Variants in ZMYND11 observed in about 807,000 individuals in gnomAD.
The protein encoded by ZMYND11 is zinc finger MYND domain-containing protein 11.
In ZMYND11, 9 loss-of-function variants were observed where a neutral mutation model predicts 84.9. That is an observed-to-expected ratio of 0.11 (90% CI 0.06 to 0.18). The LOEUF (loss-of-function observed/expected upper bound fraction) is 0.18. ZMYND11 is among the 10% of genes least tolerant of loss of function. The pLI is 1.00. For synonymous variants in ZMYND11, 250 were observed against 244.1 expected, an observed-to-expected ratio of 1.02 and a Z score of -0.23; for missense variants, 409 against 761.0, an observed-to-expected ratio of 0.54 and a Z score of 5.44.
chr10:243,245 G>C (rs1248931187), intron 10 of ZMYND11, among the ~76,000 whole-genome samples: 3 of 152,108 alleles, frequency 2.0e-5, no homozygotes, highest in African/African-American at 7.2e-5. Context: ...AGAGACCTGA[G>C]CATAGTACCT....
chr10:136,228 C>G (rs1428632222), intron 1 of ZMYND11, among the ~76,000 whole-genome samples: 1 of 152,152 alleles, frequency 6.6e-6, no homozygotes, highest in Non-Finnish European at 1.5e-5. Context: ...GCTGAGGACG[C>G]GGCTGGGACG....
chr10:174,753 C>G (rs1173663094), intron 1 of ZMYND11, among the ~76,000 whole-genome samples: 1 of 151,762 alleles, frequency 6.6e-6, no homozygotes, highest in Non-Finnish European at 1.5e-5. Flanking sequence ...GGTCAAAACC[C>G]AAGGGCACTA....
At position 185,837 on chromosome 10, in the gene ZMYND11, C is replaced by CA. The variant is rs1190356934; in HGVS notation, c.116+5718dup. ...TCAAAAAAACAAAAAAACAAAAAAA[C>CA]AAAAAAAAAGACGGTTGCTAAAGGC... is the stretch of plus-strand genomic sequence containing the variant. On this transcript the variant is annotated intron_variant, in intron 2 of 14. Transcript: ENST00000381604. 5.0e-4 allele frequency among the ~76,000 whole-genome samples: 68 copies of CA among 135,228 alleles called. 1 individual carries two copies. The highest frequency in any genetic ancestry group is 1.5e-3 in the African/African-American group (57 of 37,674). The allele number at this position is 135,228 out of a possible 152,430, so 88.7% of individuals were successfully genotyped here.
chr10:168,415 C>G (rs562664532), intron 1 of ZMYND11, among the ~76,000 whole-genome samples: 1 of 152,110 alleles, frequency 6.6e-6, no homozygotes, highest in East Asian at 1.9e-4. Context: ...GAATGGAGTC[C>G]AGCCTGGGCA....
chr10:239,581 T>G, intron 7 of ZMYND11, 56 bp downstream of exon 7: 2 of 1,149,450 alleles, frequency 1.7e-6, no homozygotes, highest in Non-Finnish European at 2.6e-6. Context: ...TTACATTCCA[T>G]GTTGAACACT....
intron 3 of ZMYND11, among the ~76,000 whole-genome samples, chr10:217,002 C>T (rs984159767): frequency 6.6e-6 from 1 of 152,128 alleles, no homozygotes; most frequent in Non-Finnish European, 1.5e-5. Context: ...ATTGCATCTA[C>T]ATTAAAATGC....
rs1302482936 is a variant in ZMYND11 at position 253,246 on chromosome 10, AAAAC to A, written c.*780_*783del. ...AGTGCTTGTAACAAAATAAACAACA[AAAAC>A]AAAGCCAAAAACTACCTTTATCCAT... On this transcript the variant is annotated 3_prime_UTR_variant, in exon 15 of 15. Coordinates refer to ENST00000381604, the MANE Select transcript of ZMYND11 (RefSeq NM_001370100.5). The A allele has an allele frequency of 1.3e-5, 2 of 152,648 alleles. No individual in the cohort carries two copies. The highest frequency in any genetic ancestry group is 2.4e-5 in the African/African-American group (1 of 41,476). The allele number at this position is 152,648 out of a possible 1,614,324, so 9.5% of individuals were successfully genotyped here.
chr10:175,597 TA>T (rs1334928536), intron 1 of ZMYND11, among the ~76,000 whole-genome samples: 3 of 152,022 alleles, frequency 2.0e-5, no homozygotes, highest in Non-Finnish European at 4.4e-5. Flanking sequence ...AATAAAAAAC[TA>T]CAAAATATAA....
At chr10:226,901 G>A (rs1948234926) in intron 4 of ZMYND11, among the ~76,000 whole-genome samples, 2 of 152,220 alleles carry the variant, frequency 1.3e-5, no homozygotes, top group Non-Finnish European at 2.9e-5. Flanking sequence ...ATAAGTCAAG[G>A]TAATACAGAG....
In ZMYND11 at chr10:247,069, G is replaced by A. The variant is rs114467020; in HGVS notation, c.1158+96G>A. On this transcript the variant is annotated intron_variant, in intron 11 of 14. Transcript: ENST00000381604. ...CTCACTGTAATGAACAGATTTTGAC[G>A]TTCTCCTTCCCTTTTTTACATTTGT... 2,168 of 1,265,930 alleles carry A rather than the reference G, an allele frequency of 1.7e-3. 25 individuals carry two copies. In the African/African-American group the frequency reaches 0.029, roughly 17 times the overall value. The allele number at this position is 1,265,930 out of a possible 1,614,324, so 78.4% of individuals were successfully genotyped here.
intron 3 of ZMYND11, among the ~76,000 whole-genome samples, chr10:217,757 T>C (rs942208351): frequency 1.3e-5 from 2 of 152,152 alleles, no homozygotes; most frequent in African/African-American, 4.8e-5. Flanking sequence ...AAAAACCGTG[T>C]AGACTGCGTA....
chr10:179,991 C>T lies in ZMYND11; in HGVS notation c.-19-3C>T. On this transcript the variant is annotated splice_polypyrimidine_tract_variant and splice_region_variant and intron_variant, in intron 1 of 14. Coordinates refer to ENST00000381604, the MANE Select transcript of ZMYND11 (RefSeq NM_001370100.5). Reference sequence around the variant, plus strand: ...TCCCTTATGTTTTTGTTTATTACTGCAGCTAAAGAAGTAAACAGGTCATGG... The same window carrying T: ...TCCCTTATGTTTTTGTTTATTACTGTAGCTAAAGAAGTAAACAGGTCATGG... The T allele has an allele frequency of 3.8e-6, 6 of 1,558,660 alleles. No individual in the cohort carries two copies. The highest frequency in any genetic ancestry group is 1.8e-5 in the Admixed American group (1 of 56,838).
intron 1 of ZMYND11, among the ~76,000 whole-genome samples, chr10:175,157 C>G (rs782242806): frequency 2.0e-5 from 3 of 152,096 alleles, no homozygotes; most frequent in Non-Finnish European, 4.4e-5. Flanking sequence ...ATGTATTGCT[C>G]TGGTGTGGGA....
chr10:207,173 A>AT (rs1264678834), intron 2 of ZMYND11, among the ~76,000 whole-genome samples: 9 of 152,096 alleles, frequency 5.9e-5, no homozygotes, highest in Admixed American at 5.2e-4. Flanking sequence ...TGTACTCATC[A>AT]TTTTTTATGG....
chr10:205,120 T>A (rs1228929356), intron 2 of ZMYND11, among the ~76,000 whole-genome samples: 1 of 152,168 alleles, frequency 6.6e-6, no homozygotes, highest in Non-Finnish European at 1.5e-5. Flanking sequence ...GATGTTTTTC[T>A]GGGGAAGCTC....
chr10:238,609 G>A (rs1323680864), intron 6 of ZMYND11, among the ~76,000 whole-genome samples: 1 of 152,152 alleles, frequency 6.6e-6, no homozygotes, highest in Non-Finnish European at 1.5e-5. Context: ...GCCCGCCTCG[G>A]CCTCCCAAAG....
At chr10:237,805 T>C in intron 6 of ZMYND11, 128 bp downstream of exon 6, 1 of 611,190 alleles carries the variant, frequency 1.6e-6, no homozygotes, top group Admixed American at 3.4e-5. Flanking sequence ...TTCCACTTCC[T>C]AAAACAAAAG....
chr10:239,286 G>T, intron 6 of ZMYND11, 152 bp from the exon 7 acceptor site: 1 of 605,370 alleles, frequency 1.7e-6, no homozygotes. Flanking sequence ...GGCGTTGTTG[G>T]CTTCTTTTAC....
chr10:241,069 A>ATATC, intron 9 of ZMYND11, 99 bp downstream of exon 9: 6 of 863,056 alleles, frequency 7.0e-6, no homozygotes, highest in Non-Finnish European at 1.1e-5. Context: ...AATTTTTAAA[A>ATATC]TATCATAGTA....
Sources: allele counts gnomAD v4.1 joint callset (sites outside exome capture counted in the v4.1 genomes callset), GRCh38; gene constraint gnomAD v4.1.1; transcripts MANE v1.5; gene names NCBI Gene and HGNC (gene_info 2026-07-23, HGNC 2026-07-21).